RAB11FIP5: variants seen among roughly 807,000 people sequenced by gnomAD.
The protein encoded by RAB11FIP5 is rab11 family-interacting protein 5.
RAB11FIP5 carries 48 observed loss-of-function variants against 85.1 expected under a neutral mutation model. The observed-to-expected ratio is 0.56, with a 90% CI of 0.45 to 0.72. RAB11FIP5 has a LOEUF of 0.72. RAB11FIP5 is among the 30% of genes least tolerant of loss of function. RAB11FIP5 has a pLI of 0.00. For missense variants in RAB11FIP5, 1,491 were observed against 1,687.0 expected (o/e 0.88, Z 2.04); for synonymous variants, 729 against 727.3 (o/e 1.00, Z -0.04).
At chr2:73,111,949 G>C (rs1199413158) in intron 1 of RAB11FIP5, among the ~76,000 whole-genome samples, 2 of 152,148 alleles carry the variant, frequency 1.3e-5, no homozygotes, top group Admixed American at 6.5e-5. Flanking sequence ...CTCCCCTGCC[G>C]GACAGGCGCC....
intron 1 of RAB11FIP5, among the ~76,000 whole-genome samples, chr2:73,110,851 G>A (rs575785194): frequency 6.6e-6 from 1 of 152,248 alleles, no homozygotes; most frequent in East Asian, 1.9e-4. Context: ...CAGAGTAGCT[G>A]ATTGGTGGAG....
chr2:73,100,431 T>G (rs1336391985), intron 1 of RAB11FIP5, among the ~76,000 whole-genome samples: 1 of 150,218 alleles, frequency 6.7e-6, no homozygotes, highest in Non-Finnish European at 1.5e-5. Context: ...TGTGGTTTTT[T>G]TTTTTTTTTT....
At position 73,089,029 on chromosome 2, in the gene RAB11FIP5, G is replaced by A. The variant is rs1204606717; in HGVS notation, c.718C>T (p.Leu240=). 1.9e-6 allele frequency: 3 copies of A among 1,614,240 alleles called. No individual in the cohort carries two copies. The highest frequency in any genetic ancestry group is 3.3e-5 in the Admixed American group (2 of 60,026). The stretch of plus-strand genomic sequence containing the variant: ...GACTGGGTCAGGGACGACTTGCGCA[G>A]CTTGTTGCGGAGGAAGAAGCCTTTG... ...KAKGFFLRNK[L]RKSSLTQSNT... Residue 240 remains leucine (L), a synonymous_variant, in exon 2 of 6, where the codon CTG becomes TTG. Transcript: ENST00000486777. This position sits in a 1 kb window ranked among gnomAD's most constrained non-coding sequence, Gnocchi z 4.6.
At chr2:73,107,541 C>A (rs749102256) in intron 1 of RAB11FIP5, among the ~76,000 whole-genome samples, 6 of 152,138 alleles carry the variant, frequency 3.9e-5, no homozygotes, top group Non-Finnish European at 7.4e-5. Context: ...TGGTCCCAGC[C>A]AGGGCTCAGG....
chr2:73,088,020 G>A (rs746410144), intron 3 of RAB11FIP5, 30 bp downstream of exon 3: 15 of 1,555,936 alleles, frequency 9.6e-6, no homozygotes, highest in Non-Finnish European at 1.3e-5. Context: ...TCCTCCCCAA[G>A]GAGCAAAGTT....
chr2:73,080,425 T>G lies in RAB11FIP5; in HGVS notation c.2807A>C (p.Asp936Ala). ...GACAACCAGTGCACTTGGGGAGGCA[T>G]CTTCTCCCTCTGTCTCCGGCCCCCT... ...SNRGPETEGEDASPSALVVGP... is the reference protein window; with the variant it reads ...SNRGPETEGEAASPSALVVGP... Residue 936 changes from aspartate to alanine, a missense_variant, in exon 4 of 6, where the codon GAT (aspartate) becomes GCT (alanine). Asp to Ala is a moderately radical substitution (Grantham distance 126, BLOSUM62 -2). Around this residue, in one of 3 missense-constraint regions of RAB11FIP5, gnomAD observed 1,211 missense variants for 1,338.0 expected, o/e 0.91. Transcript: ENST00000486777. The G allele has an allele frequency of 1.6e-6, 2 of 1,233,402 alleles. No homozygotes were observed. The highest frequency in any genetic ancestry group is 2.0e-6 in the Non-Finnish European group (2 of 988,600). The allele number at this position is 1,233,402 out of a possible 1,614,324, so 76.4% of individuals were successfully genotyped here.
At chr2:73,111,016 G>A (rs902561928) in intron 1 of RAB11FIP5, among the ~76,000 whole-genome samples, 3 of 120,432 alleles carry the variant, frequency 2.5e-5, no homozygotes, top group African/African-American at 4.2e-5. Flanking sequence ...CAGAAAGGAG[G>A]AAAAAAACAA....
intron 1 of RAB11FIP5, among the ~76,000 whole-genome samples, chr2:73,110,805 C>T (rs1014100198): frequency 5.3e-5 from 8 of 152,094 alleles, no homozygotes; most frequent in Non-Finnish European, 1.2e-4. Flanking sequence ...GTTCCCCCAG[C>T]ACCCCCTGAA....
Position 73,080,398 on chromosome 2 carries a change from C to T in RAB11FIP5, c.2834G>A (p.Gly945Asp). ...TCCCTCCTCCTTGGTCTCCGGGGGA[C>T]CGACAACCAGTGCACTTGGGGAGGC... is the stretch of plus-strand genomic sequence containing the variant. ...EDASPSALVVGPPETKEEGEK... is the reference protein window; with the variant it reads ...EDASPSALVVDPPETKEEGEK... The change falls in exon 4 of 6, where the codon GGT (glycine) becomes GAT (aspartate). Residue 945 changes from glycine to aspartate, a missense_variant. Gly to Asp is a moderately conservative substitution (Grantham distance 94, BLOSUM62 -1). Transcript: ENST00000486777. 1.6e-6 allele frequency: 2 copies of T among 1,233,178 alleles called. No individual in the cohort carries two copies. Among genetic ancestry groups the T allele is most frequent in the Admixed American group, 4.2e-5 (1 of 23,730 alleles). 76.4% of individuals were successfully genotyped at this position (1,233,178 alleles called of 1,614,324 possible).
Position 73,073,705 on chromosome 2 carries a change from C to T in RAB11FIP5, c.*1816G>A, listed in dbSNP as rs1352010867. 6.6e-6 allele frequency: 1 copy of T among 152,216 alleles called. No individual in the cohort carries two copies. Among genetic ancestry groups the T allele is most frequent in the Non-Finnish European group, 1.5e-5 (1 of 68,048 alleles). 9.4% of individuals were successfully genotyped at this position (152,216 alleles called of 1,614,324 possible). ...GACTCCCCCTCTCTCAGAAAAGATA[C>T]TTACTTCTCTAATACCCAATGACCC... On this transcript the variant is annotated 3_prime_UTR_variant, in exon 6 of 6. Transcript: ENST00000486777.
chr2:73,078,757 C>T lies in RAB11FIP5; in HGVS notation c.3581+894G>A, dbSNP rs1683909029. Among the ~76,000 whole-genome samples, 1 of 152,174 alleles carries T rather than the reference C, an allele frequency of 6.6e-6. No individual in the cohort carries two copies. The highest frequency in any genetic ancestry group is 1.5e-5 in the Non-Finnish European group (1 of 68,024). ...TGGAGCCTGCCCTGCTCTCCCCTCC[C>T]TTCACTCGGTCCTCCTAGAGCGCTA... On this transcript the variant is annotated intron_variant, in intron 4 of 5. Coordinates refer to ENST00000486777, the MANE Select transcript of RAB11FIP5 (RefSeq NM_001371272.1). This position sits in a 1 kb window ranked among gnomAD's most constrained non-coding sequence, Gnocchi z 4.4.
intron 1 of RAB11FIP5, among the ~76,000 whole-genome samples, chr2:73,097,480 C>G (rs1427219201): frequency 6.6e-6 from 1 of 152,238 alleles, no homozygotes; most frequent in Non-Finnish European, 1.5e-5. Flanking sequence ...GCTCAACAGT[C>G]AAGTGCATTA....
rs374744842 is a variant in RAB11FIP5 at position 73,112,469 on chromosome 2, G to C, written c.309C>G (p.Ala103=). 6.8e-7 allele frequency: 1 copy of C among 1,480,324 alleles called. No individual in the cohort carries two copies. The highest frequency in any genetic ancestry group is 2.7e-5 in the East Asian group (1 of 37,140). The allele number at this position is 1,480,324 out of a possible 1,614,324, so 91.7% of individuals were successfully genotyped here. ...AGPAPWAASS[A]AACELVLTTM... ...TGGTGAGCACCAGCTCGCAGGCGGC[G>C]GCGGAGCTCGCGGCCCAGGGCGCCG... The change falls in exon 1 of 6, where the codon GCC becomes GCG. Residue 103 remains alanine (A), a synonymous_variant. Coordinates refer to ENST00000486777, the MANE Select transcript of RAB11FIP5 (RefSeq NM_001371272.1).
At chr2:73,106,416 C>A (rs1684527034) in intron 1 of RAB11FIP5, among the ~76,000 whole-genome samples, 1 of 152,216 alleles carries the variant, frequency 6.6e-6, no homozygotes. Context: ...CCAGGGCTCC[C>A]TGTCTAGGCC....
chr2:73,106,923 G>T (rs936058535), intron 1 of RAB11FIP5, among the ~76,000 whole-genome samples: 1 of 152,238 alleles, frequency 6.6e-6, no homozygotes, highest in South Asian at 2.1e-4. Flanking sequence ...GCAGCTTCTC[G>T]GAGGTGCTGG....
At chr2:73,102,873 C>G (rs956703781) in intron 1 of RAB11FIP5, among the ~76,000 whole-genome samples, 1 of 152,160 alleles carries the variant, frequency 6.6e-6, no homozygotes, top group African/African-American at 2.4e-5. Flanking sequence ...CTTGAAGCAG[C>G]CATTTCACCT....
In RAB11FIP5 at chr2:73,079,952, G is replaced by A; in HGVS notation, c.3280C>T (p.Pro1094Ser). Residue 1094 changes from proline (P) to serine (S), a missense_variant, in exon 4 of 6, where the codon CCA becomes TCA. Pro to Ser is a moderately conservative substitution (Grantham distance 74, BLOSUM62 -1). Transcript: ENST00000486777. ...TCTGGGGGAGTGGGCAGCTCTTCTG[G>A]ACCAGAATGAATAGAAGATTCCCTC... ...GSRESSIHSG[P>S]EELPTPPEPD... 2.4e-6 allele frequency: 3 copies of A among 1,232,268 alleles called. No individual in the cohort carries two copies. The highest frequency in any genetic ancestry group is 3.0e-6 in the Non-Finnish European group (3 of 988,072). The allele number at this position is 1,232,268 out of a possible 1,614,324, so 76.3% of individuals were successfully genotyped here.
At chr2:73,101,270 T>C (rs1347345738) in intron 1 of RAB11FIP5, among the ~76,000 whole-genome samples, 1 of 152,024 alleles carries the variant, frequency 6.6e-6, no homozygotes, top group Non-Finnish European at 1.5e-5. Flanking sequence ...AATGGCCTGG[T>C]TCCTCACCAG....
At chr2:73,101,392 G>A (rs1167067873) in intron 1 of RAB11FIP5, among the ~76,000 whole-genome samples, 1 of 152,128 alleles carries the variant, frequency 6.6e-6, no homozygotes. Flanking sequence ...CCTACGAAGA[G>A]GCATTTTAGA....
Sources: allele counts gnomAD v4.1 joint callset (sites outside exome capture counted in the v4.1 genomes callset), GRCh38; gene constraint gnomAD v4.1.1; regional missense constraint gnomAD v4.1.1; non-coding constraint Gnocchi (gnomAD v3.1); transcripts MANE v1.5; gene names NCBI Gene and HGNC (gene_info 2026-07-23, HGNC 2026-07-21).